The following TYW3 variants were observed in gnomAD, a reference collection of about 807,000 sequenced individuals.
The protein encoded by TYW3 is tRNA wybutosine-synthesizing protein 3 homolog.
In TYW3, 26 loss-of-function variants were observed where a neutral mutation model predicts 23.1. The ratio of observed to expected loss-of-function variants is 1.13; its 90% confidence interval spans 0.83 to 1.56. The LOEUF is 1.56. Among genes scored for constraint, TYW3 ranks in the 40% most tolerant of loss-of-function variants. The pLI, the probability that TYW3 is intolerant of heterozygous loss-of-function variation, is 0.00. For missense variants in TYW3, 316 were observed against 311.9 expected (o/e 1.01, Z -0.10); for synonymous variants, 102 against 105.7 (o/e 0.97, Z 0.21).
chr1:74,754,918 A>G (rs1648903097), intron 5 of TYW3, among the ~76,000 whole-genome samples: 1 of 152,158 alleles, frequency 6.6e-6, no homozygotes, highest in Admixed American at 6.5e-5. Flanking sequence ...CGATCTAGAG[A>G]AATTTGGATA....
At chr1:74,743,756 A>G (rs561125844) in intron 3 of TYW3, among the ~76,000 whole-genome samples, 15 of 152,090 alleles carry the variant, frequency 9.9e-5, no homozygotes, top group South Asian at 2.1e-4. Context: ...CTGTCATTCT[A>G]TCATTTACTT....
intron 5 of TYW3, among the ~76,000 whole-genome samples, chr1:74,753,520 G>A (rs1332069613): frequency 6.6e-6 from 1 of 152,234 alleles, no homozygotes; most frequent in African/African-American, 2.4e-5. Context: ...CACCAAGGCA[G>A]AACTGGGTTC....
At position 74,748,923 on chromosome 1, in the gene TYW3, T is replaced by G. The variant is rs540113897; in HGVS notation, c.426+101T>G. 582 of 1,066,514 alleles carry G rather than the reference T, an allele frequency of 5.5e-4. 6 individuals carry two copies. The highest frequency in any genetic ancestry group is 2.2e-3 in the Middle Eastern group (9 of 4,178). The allele number at this position is 1,066,514 out of a possible 1,614,324, so 66.1% of individuals were successfully genotyped here. ...CCTTTAATGTCTCCTTTCTCAAATCTTCTTGCCATTCTCTTACTCATAAAC... is the reference window on the plus strand; with the variant it reads ...CCTTTAATGTCTCCTTTCTCAAATCGTCTTGCCATTCTCTTACTCATAAAC... On this transcript the variant is annotated intron_variant, in intron 4 of 5. Transcript: ENST00000370867.
chr1:74,733,469 A>G, intron 1 of TYW3, 51 bp downstream of exon 1: 1 of 1,599,574 alleles, frequency 6.3e-7, no homozygotes, highest in Non-Finnish European at 8.5e-7. Context: ...GCGAAACTTC[A>G]GGAGCCCTGT....
At chr1:74,763,871 T>A in intron 5 of TYW3, 23 bp from the exon 6 acceptor site, 1 of 1,563,496 alleles carries the variant, frequency 6.4e-7, no homozygotes, top group East Asian at 2.2e-5. Context: ...ACAGATATAA[T>A]AGTAGTACTT....
At position 74,766,169 on chromosome 1, in the gene TYW3, A is replaced by G. The variant is rs1649300104; in HGVS notation, c.*2056A>G. ...ACAGTCATATAAAAGTATGGTACATATAATTATGTACAGTGCATACATAAT... is the reference window on the plus strand; with the variant it reads ...ACAGTCATATAAAAGTATGGTACATGTAATTATGTACAGTGCATACATAAT... On this transcript the variant is annotated 3_prime_UTR_variant, in exon 6 of 6. Transcript: ENST00000370867. 1 of 152,070 alleles carries G rather than the reference A, an allele frequency of 6.6e-6. No homozygotes were observed. The highest frequency in any genetic ancestry group is 2.4e-5 in the African/African-American group (1 of 41,450). 9.4% of individuals were successfully genotyped at this position (152,070 alleles called of 1,614,324 possible). A position where few individuals can be genotyped will look rare whatever the true frequency, so the allele number is the denominator to read the frequency against.
chr1:74,754,399 G>A (rs1432820215), intron 5 of TYW3, among the ~76,000 whole-genome samples: 1 of 152,166 alleles, frequency 6.6e-6, no homozygotes, highest in Non-Finnish European at 1.5e-5. Flanking sequence ...GGGTAAAAAT[G>A]TCTTAAGATA....
At chr1:74,762,493 G>T (rs576985430) in intron 5 of TYW3, among the ~76,000 whole-genome samples, 7 of 152,032 alleles carry the variant, frequency 4.6e-5, no homozygotes, top group Non-Finnish European at 7.4e-5. Flanking sequence ...TTATTCTGGG[G>T]TTATTCATTC....
At chr1:74,733,600 T>C in intron 1 of TYW3, 182 bp downstream of exon 1, 1 of 964,842 alleles carries the variant, frequency 1.0e-6, no homozygotes, top group Middle Eastern at 5.4e-4. Flanking sequence ...TTAACGTGGC[T>C]ATTAATCAGC....
intron 5 of TYW3, among the ~76,000 whole-genome samples, chr1:74,759,996 T>C (rs1042585145): frequency 1.3e-5 from 2 of 152,240 alleles, no homozygotes; most frequent in Non-Finnish European, 2.9e-5. Flanking sequence ...TACCTTTGAC[T>C]GGAAGCATTA....
At position 74,733,310 on chromosome 1, in the gene TYW3, G is replaced by A. The variant is rs757364923; in HGVS notation, c.66G>A (p.Arg22=). The A allele has an allele frequency of 4.3e-6, 7 of 1,614,110 alleles. No individual in the cohort carries two copies. The highest frequency in any genetic ancestry group is 4.2e-6 in the Non-Finnish European group (5 of 1,180,046). Residue 22 remains arginine (R), a synonymous_variant, in exon 1 of 6, where the codon CGG becomes CGA. Coordinates refer to ENST00000370867, the MANE Select transcript of TYW3 (RefSeq NM_138467.3). ...GTTTGAGCAAAGCGGACCTCAGCCGGAAGGGCAGTGTTGACGAGGATGTGG... is the reference window on the plus strand; with the variant it reads ...GTTTGAGCAAAGCGGACCTCAGCCGAAAGGGCAGTGTTGACGAGGATGTGG... The part of the protein sequence containing the change: ...AQCLSKADLS[R]KGSVDEDVVE...
chr1:74,760,413 A>G (rs1649102488), intron 5 of TYW3, among the ~76,000 whole-genome samples: 1 of 152,224 alleles, frequency 6.6e-6, no homozygotes, highest in South Asian at 2.1e-4. Flanking sequence ...GAAAACATAT[A>G]TTTTATTTTC....
chr1:74,760,705 G>A (rs974340406), intron 5 of TYW3, among the ~76,000 whole-genome samples: 2 of 152,204 alleles, frequency 1.3e-5, no homozygotes, highest in Non-Finnish European at 2.9e-5. Context: ...CACTTGGCCT[G>A]TCACATACAT....
chr1:74,756,304 GA>G (rs1648952063), intron 5 of TYW3, among the ~76,000 whole-genome samples: 1 of 152,184 alleles, frequency 6.6e-6, no homozygotes, highest in South Asian at 2.1e-4. Flanking sequence ...AAGAAGACAG[GA>G]AAATGTGGGA....
At position 74,752,501 on chromosome 1, in the gene TYW3, C is replaced by T. The variant is rs973023444; in HGVS notation, c.560+76C>T. The T allele has an allele frequency of 4.4e-5, 57 of 1,304,604 alleles. No individual in the cohort carries two copies. In the African/African-American group the frequency reaches 5.9e-4, roughly 14 times the overall value. The allele number at this position is 1,304,604 out of a possible 1,614,324, so 80.8% of individuals were successfully genotyped here. On this transcript the variant is annotated intron_variant, in intron 5 of 5. Coordinates refer to ENST00000370867, the MANE Select transcript of TYW3 (RefSeq NM_138467.3). ...TGAAAACATTAATACTTACTATCTT[C>T]AGTTTATAATGCCAACTGCTTATCT...
chr1:74,739,618 G>A (rs574733250), intron 3 of TYW3, among the ~76,000 whole-genome samples: 9 of 152,312 alleles, frequency 5.9e-5, no homozygotes, highest in African/African-American at 2.2e-4. Context: ...GGAGGCTGGG[G>A]CCAGGTCATT....
chr1:74,745,933 T>G (rs1401490198), intron 3 of TYW3, among the ~76,000 whole-genome samples: 1 of 152,194 alleles, frequency 6.6e-6, no homozygotes, highest in African/African-American at 2.4e-5. Flanking sequence ...CTTCTACTTC[T>G]TGTAAGGACA....
chr1:74,756,935 A>G (rs1209308837), intron 5 of TYW3, among the ~76,000 whole-genome samples: 1 of 152,246 alleles, frequency 6.6e-6, no homozygotes, highest in African/African-American at 2.4e-5. Context: ...GAAAGGGACC[A>G]ATGTAGAGCT....
intron 3 of TYW3, among the ~76,000 whole-genome samples, chr1:74,741,101 G>A (rs937030728): frequency 6.6e-6 from 1 of 152,228 alleles, no homozygotes; most frequent in Non-Finnish European, 1.5e-5. Flanking sequence ...GAAGTTGTTA[G>A]TTGAGCTCGT....
Sources: allele counts gnomAD v4.1 joint callset (sites outside exome capture counted in the v4.1 genomes callset), GRCh38; gene constraint gnomAD v4.1.1; transcripts MANE v1.5; gene names NCBI Gene and HGNC (gene_info 2026-07-23, HGNC 2026-07-21).